Variants in LAMC2 observed in about 807,000 individuals in gnomAD.
LAMC2 encodes the protein laminin subunit gamma 2, also known as laminin subunit gamma-2.
In LAMC2, 97 loss-of-function variants were observed where a neutral mutation model predicts 140.2. That is an observed-to-expected ratio of 0.69 (90% CI 0.59 to 0.82). The LOEUF is 0.82. LAMC2 is among the 40% of genes least tolerant of loss of function. The pLI, the probability that LAMC2 is intolerant of heterozygous loss-of-function variation, is 0.00. For missense variants in LAMC2, 1,402 were observed against 1,476.1 expected, an observed-to-expected ratio of 0.95 and a Z score of 0.82; for synonymous variants, 513 against 540.2, an observed-to-expected ratio of 0.95 and a Z score of 0.70.
chr1:183,205,922 T>C (rs893221051), intron 1 of LAMC2, among the ~76,000 whole-genome samples: 3 of 152,050 alleles, frequency 2.0e-5, no homozygotes, highest in African/African-American at 7.2e-5. Context: ...GAGAGGTAGA[T>C]TTAAAACACC....
At chr1:183,248,167 A>C (rs1382100742), downstream of LAMC2, 1 of 152,632 alleles carries the variant, frequency 6.6e-6, no homozygotes, top group African/African-American at 2.4e-5. Flanking sequence ...TCTCCTGTCA[A>C]GTAAAATTAT....
At position 183,222,122 on chromosome 1, in the gene LAMC2, G is replaced by T; in HGVS notation, c.674G>T (p.Gly225Val). ...VDGWKAVQRN[G>V]SPAKLQWSQR... The stretch of plus-strand genomic sequence containing the variant: ...GGCTGGAAGGCTGTCCAACGAAATG[G>T]GTCTCCTGCAAAGCTCCAATGGTCA... Residue 225 changes from glycine to valine, a missense_variant, in exon 6 of 23, where the codon GGG (glycine) becomes GTG (valine). Physicochemically the swap from Gly to Val is moderately radical, Grantham distance 109 (BLOSUM62 -3). Transcript: ENST00000264144. 6.2e-7 allele frequency: 1 copy of T among 1,614,052 alleles called. No homozygotes were observed.
chr1:183,196,327 C>T (rs1268954689), intron 1 of LAMC2, among the ~76,000 whole-genome samples: 1 of 151,944 alleles, frequency 6.6e-6, no homozygotes, highest in African/African-American at 2.4e-5. Context: ...AGTAGAGACA[C>T]GGTTTCACCA....
intron 1 of LAMC2, among the ~76,000 whole-genome samples, chr1:183,203,122 T>A (rs1024483878): frequency 8.5e-5 from 13 of 152,250 alleles, no homozygotes; most frequent in Non-Finnish European, 1.5e-4. Flanking sequence ...TATATTTTTT[T>A]AATTTTGGCC....
the LAMC2 span, among the ~76,000 whole-genome samples, chr1:183,258,945 A>C: frequency 1.3e-5 from 2 of 152,194 alleles, 1 homozygote; most frequent in Non-Finnish European, 2.9e-5. Flanking sequence ...TGATTTGATA[A>C]CAATAAAACT....
intron 5 of LAMC2, 100 bp downstream of exon 5, chr1:183,221,061 G>A: frequency 1.8e-6 from 2 of 1,140,538 alleles, no homozygotes; most frequent in South Asian, 2.6e-5. Flanking sequence ...ATTCTCTTTA[G>A]AAATTCTCTT....
chr1:183,238,382 A>G lies in LAMC2; in HGVS notation c.2830A>G (p.Thr944Ala). ...AQEALSMGNA[T>A]FYEVESILKN... ...AGAAGCACTGAGTATGGGCAATGCC[A>G]CTTTTTATGAAGTTGAGAGCATCCT... is the stretch of plus-strand genomic sequence containing the variant. The change falls in exon 19 of 23, where the codon ACT becomes GCT. Residue 944 changes from threonine (T) to alanine (A), a missense_variant. Thr to Ala is a moderately conservative substitution (Grantham distance 58, BLOSUM62 0). This residue lies in a region of LAMC2 where 670 missense variants were observed against 667.2 expected (regional missense o/e 1.00). Coordinates refer to ENST00000264144, the MANE Select transcript of LAMC2 (RefSeq NM_005562.3). 1.2e-6 allele frequency: 2 copies of G among 1,614,010 alleles called. No individual in the cohort carries two copies. Among genetic ancestry groups the G allele is most frequent in the Non-Finnish European group, 1.7e-6 (2 of 1,179,866 alleles).
At chr1:183,208,518 G>A (rs1447630379) in intron 2 of LAMC2, among the ~76,000 whole-genome samples, 1 of 152,202 alleles carries the variant, frequency 6.6e-6, no homozygotes, top group Non-Finnish European at 1.5e-5. Context: ...TTCTAGTGCT[G>A]TGCTAGGTGC....
chr1:183,200,380 A>T (rs951201912), intron 1 of LAMC2, among the ~76,000 whole-genome samples: 6 of 140,286 alleles, frequency 4.3e-5, no homozygotes, highest in Non-Finnish European at 9.5e-5. Flanking sequence ...ACAGAACGAG[A>T]CTCTGTTTCA....
intron 1 of LAMC2, among the ~76,000 whole-genome samples, chr1:183,192,131 T>G (rs1393089128): frequency 6.6e-6 from 1 of 152,232 alleles, no homozygotes; most frequent in Admixed American, 6.5e-5. Flanking sequence ...GAATGGTTCT[T>G]CCTCCAGCAC....
At chr1:183,256,203 C>T in the LAMC2 span, among the ~76,000 whole-genome samples, 1 of 151,860 alleles carries the variant, frequency 6.6e-6, no homozygotes, top group African/African-American at 2.4e-5. Context: ...GTCAGGCGTT[C>T]GAGCCCAGTC....
chr1:183,195,812 G>T (rs1658495923), intron 1 of LAMC2, among the ~76,000 whole-genome samples: 1 of 94,978 alleles, frequency 1.1e-5, no homozygotes, highest in Non-Finnish European at 2.5e-5. Context: ...CAGTTTAAAT[G>T]ATGAAGGATT....
In LAMC2 at chr1:183,240,149, TG is replaced by T; in HGVS notation, c.3181del (p.Glu1061LysfsTer17). The T allele has an allele frequency of 6.2e-7, 1 of 1,614,184 alleles. No homozygotes were observed. The highest frequency in any genetic ancestry group is 1.1e-5 in the South Asian group (1 of 91,080). On this transcript the variant is annotated frameshift_variant, in exon 21 of 23. Transcript: ENST00000264144. LOFTEE classifies it high-confidence loss of function. ...GAGATGAGGGAAGTGGAAGGAGAGCTGGAAAGGAAGGAGCTGGAGTTTGACA... is the reference window on the plus strand; with the variant it reads ...GAGATGAGGGAAGTGGAAGGAGAGCTGAAAGGAAGGAGCTGGAGTTTGACA... ...KSEMREVEGE[L>X]ERKELEFDTN...
At chr1:183,193,494 C>T (rs1429789521) in intron 1 of LAMC2, among the ~76,000 whole-genome samples, 4 of 118,998 alleles carry the variant, frequency 3.4e-5, no homozygotes, top group African/African-American at 1.4e-4. Context: ...AGAATGTTGA[C>T]CATGTAAGCT....
chr1:183,258,247 G>T, the LAMC2 span, among the ~76,000 whole-genome samples: 9 of 152,246 alleles, frequency 5.9e-5, no homozygotes, highest in Non-Finnish European at 1.2e-4. Context: ...AGACCCAAAC[G>T]AACTATTTGT....
rs751499269 is a variant in LAMC2, at chr1:183,228,410, G to C, written c.1505G>C (p.Gly502Ala). 1 of 1,614,024 alleles carries C rather than the reference G, an allele frequency of 6.2e-7. No homozygotes were observed. The highest frequency in any genetic ancestry group is 1.1e-5 in the South Asian group (1 of 91,048). The change falls in exon 11 of 23, where the codon GGG becomes GCG. Residue 502 changes from glycine to alanine, a missense_variant. Gly to Ala is a moderately conservative substitution (Grantham distance 60). Coordinates refer to ENST00000264144, the MANE Select transcript of LAMC2 (RefSeq NM_005562.3). This position sits in a 1 kb window ranked among gnomAD's most constrained non-coding sequence, Gnocchi z 4.3. ...GAGCTCTGTGCTGATGGCTACTTTGGGGACCCCTTTGGTGAACATGGCCCA... is the reference window on the plus strand; with the variant it reads ...GAGCTCTGTGCTGATGGCTACTTTGCGGACCCCTTTGGTGAACATGGCCCA... ...RCELCADGYFGDPFGEHGPVR... is the reference protein window; with the variant it reads ...RCELCADGYFADPFGEHGPVR...
At chr1:183,248,475 C>T (rs1052923318), downstream of LAMC2, 1 of 152,574 alleles carries the variant, frequency 6.6e-6, no homozygotes, top group East Asian at 1.9e-4. Flanking sequence ...TGCCAACCCT[C>T]AAGACCATGT....
intron 15 of LAMC2, 151 bp from the exon 16 acceptor site, chr1:183,235,424 A>T (rs1269580472): frequency 4.9e-6 from 4 of 811,806 alleles, no homozygotes; most frequent in Non-Finnish European, 8.2e-6. Context: ...GCTTCTTGAC[A>T]GCACCTCTAA....
intron 2 of LAMC2, among the ~76,000 whole-genome samples, chr1:183,209,472 C>G (rs1659007156): frequency 6.6e-6 from 1 of 152,182 alleles, no homozygotes; most frequent in Non-Finnish European, 1.5e-5. Context: ...AAGTTGCTGT[C>G]ACAATGTGGT....
Sources: gnomAD v4.1 joint callset for allele counts (sites outside exome capture counted in the v4.1 genomes callset) on GRCh38, gnomAD v4.1.1 for gene constraint, gnomAD v4.1.1 regional missense constraint, Gnocchi (gnomAD v3.1) non-coding constraint, MANE v1.5 for transcripts, NCBI Gene and HGNC (gene_info 2026-07-23, HGNC 2026-07-21) for gene names.